Variants in MAST2 observed in about 807,000 individuals in gnomAD.
MAST2 encodes microtubule associated serine/threonine kinase 2.
Under a neutral mutation model 147.4 loss-of-function variants are expected in MAST2, and 70 were observed. The observed-to-expected ratio is 0.47, with a 90% CI of 0.39 to 0.58. MAST2 has a LOEUF of 0.58. Ranked by LOEUF, MAST2 falls within the 20% of genes least tolerant of loss-of-function variation. The pLI is 0.00. For synonymous variants in MAST2, 869 were observed against 896.8 expected (o/e 0.97, Z 0.55); for missense variants, 2,080 against 2,302.3 (o/e 0.90, Z 1.98).
intron 3 of MAST2, among the ~76,000 whole-genome samples, chr1:45,878,203 C>CA (rs34794896): frequency 0.016 from 1,824 of 114,704 alleles, 26 homozygotes; most frequent in African/African-American, 0.046. Flanking sequence ...GGCTCTATCT[C>CA]AAAAAAAAAA....
chr1:45,811,566 C>G (rs1424195205), intron 1 of MAST2, among the ~76,000 whole-genome samples: 3 of 149,150 alleles, frequency 2.0e-5, no homozygotes, highest in Non-Finnish European at 3.0e-5. Flanking sequence ...GTCTCGATCT[C>G]CTGACCTCGT....
At chr1:46,006,146 A>G (rs1410333852) in intron 7 of MAST2, 95 bp from the exon 8 acceptor site, 2 of 1,251,284 alleles carry the variant, frequency 1.6e-6, no homozygotes, top group Non-Finnish European at 2.2e-6. Context: ...GTTTATAGTG[A>G]CTGGGAAGTT....
At chr1:45,937,075 T>C (rs1570808737) in intron 4 of MAST2, among the ~76,000 whole-genome samples, 1 of 150,446 alleles carries the variant, frequency 6.6e-6, no homozygotes, top group East Asian at 2.0e-4. Context: ...ACTTTTGTTT[T>C]TATTTATTCT....
rs1262812756 is a variant in MAST2 at position 45,975,505 on chromosome 1, A to C, written c.592+16028A>C. Among the ~76,000 whole-genome samples, 56 of 148,530 alleles carry C rather than the reference A, an allele frequency of 3.8e-4. 1 individual carries two copies. Among genetic ancestry groups the C allele is most frequent in the Non-Finnish European group, 6.4e-4 (43 of 66,858 alleles). On this transcript the variant is annotated intron_variant, in intron 5 of 28. Coordinates refer to ENST00000361297, the MANE Select transcript of MAST2 (RefSeq NM_015112.3). ...GAGTCCCTGTCTCTCCAAAAAAAAA[A>C]AAAAAAAAAAAAAAAAGCCAGGTGT... is the stretch of plus-strand genomic sequence containing the variant.
intron 4 of MAST2, among the ~76,000 whole-genome samples, chr1:45,896,851 C>G (rs1249834492): frequency 1.3e-5 from 2 of 152,206 alleles, no homozygotes; most frequent in Non-Finnish European, 2.9e-5. Flanking sequence ...TCCAGTACAT[C>G]ATATTGTATG....
intron 20 of MAST2, 22 bp from the exon 21 acceptor site, chr1:46,030,107 G>A (rs1646582899): frequency 2.5e-6 from 4 of 1,612,678 alleles, no homozygotes; most frequent in Non-Finnish European, 3.4e-6. Flanking sequence ...CTGAAGGAAA[G>A]TGTCCTTTAT....
intron 7 of MAST2, 90 bp from the exon 8 acceptor site, chr1:46,006,151 G>A: frequency 7.6e-7 from 1 of 1,311,012 alleles, no homozygotes; most frequent in East Asian, 2.4e-5. Context: ...TAGTGACTGG[G>A]AAGTTCCCTG....
At chr1:45,931,660 T>C (rs1309821794) in intron 4 of MAST2, among the ~76,000 whole-genome samples, 1 of 151,984 alleles carries the variant, frequency 6.6e-6, no homozygotes, top group Non-Finnish European at 1.5e-5. Flanking sequence ...TGGCTAATTT[T>C]TGTGTTTTTT....
rs370950575 is a variant in MAST2 at position 45,839,129 on chromosome 1, AT to A, written c.468+9565del. ...GCTGGGACTACAGGCACCATCACAA[AT>A]TTTTTTTTTTTTTTTTGAGACGGAG... On this transcript the variant is annotated intron_variant, in intron 3 of 28. Transcript: ENST00000361297. 2.8e-3 allele frequency among the ~76,000 whole-genome samples: 355 copies of A among 127,548 alleles called. 3 individuals carry two copies. Among genetic ancestry groups the A allele is most frequent in the African/African-American group, 5.4e-3 (173 of 32,080 alleles). 83.7% of individuals were successfully genotyped at this position (127,548 alleles called of 152,430 possible).
At chr1:46,001,895 C>G (rs1645289460) in intron 6 of MAST2, among the ~76,000 whole-genome samples, 1 of 152,154 alleles carries the variant, frequency 6.6e-6, no homozygotes, top group African/African-American at 2.4e-5. Flanking sequence ...TATAAAGATC[C>G]TCCATTGCTG....
intron 4 of MAST2, among the ~76,000 whole-genome samples, chr1:45,915,105 A>G (rs1210629761): frequency 6.6e-6 from 1 of 151,924 alleles, no homozygotes; most frequent in Non-Finnish European, 1.5e-5. Flanking sequence ...TAATTTTTTA[A>G]TTTTTTTGTA....
intron 3 of MAST2, among the ~76,000 whole-genome samples, chr1:45,853,685 A>G (rs1645696176): frequency 2.6e-5 from 4 of 151,838 alleles, no homozygotes. Flanking sequence ...TAAAAGAAAA[A>G]TTTTTTATAC....
intron 1 of MAST2, among the ~76,000 whole-genome samples, chr1:45,818,776 G>A (rs2148674945): frequency 6.6e-6 from 1 of 152,256 alleles, no homozygotes; most frequent in Non-Finnish European, 1.5e-5. Context: ...CATTGTTGAT[G>A]TTGTGAGTTG....
chr1:45,941,855 C>T (rs1657344316), intron 4 of MAST2, among the ~76,000 whole-genome samples: 2 of 151,998 alleles, frequency 1.3e-5, no homozygotes, highest in Admixed American at 1.3e-4. Flanking sequence ...AGTTTTTGTC[C>T]TTTATTCTTG....
chr1:45,809,855 C>T (rs1205239853), intron 1 of MAST2, among the ~76,000 whole-genome samples: 2 of 152,166 alleles, frequency 1.3e-5, no homozygotes, highest in African/African-American at 2.4e-5. Flanking sequence ...CTGGAAAGCA[C>T]ATAATAAGTA....
chr1:45,950,128 A>G (rs569121411), intron 4 of MAST2, among the ~76,000 whole-genome samples: 1 of 152,170 alleles, frequency 6.6e-6, no homozygotes, highest in Non-Finnish European at 1.5e-5. Flanking sequence ...GCTAGGCTTA[A>G]TATCTGGGTG....
chr1:45,962,897 G>T (rs1660640640), intron 5 of MAST2, among the ~76,000 whole-genome samples: 1 of 152,174 alleles, frequency 6.6e-6, no homozygotes, highest in African/African-American at 2.4e-5. Context: ...ATGGTTTTAG[G>T]TCTAACATTT....
intron 3 of MAST2, chr1:45,847,571 T>TC (rs1645480651): frequency 3.7e-6 from 3 of 801,306 alleles, no homozygotes; most frequent in East Asian, 7.3e-5. Context: ...TGACTTTTTT[T>TC]CCCATCCTGC....
At chr1:45,874,799 C>A (rs2148211646) in intron 3 of MAST2, among the ~76,000 whole-genome samples, 1 of 152,028 alleles carries the variant, frequency 6.6e-6, no homozygotes, top group Middle Eastern at 3.4e-3. Flanking sequence ...ATTATAGTAA[C>A]CAGTGAAGTA....
Sources: allele counts gnomAD v4.1 joint callset (sites outside exome capture counted in the v4.1 genomes callset), GRCh38; gene constraint gnomAD v4.1.1; transcripts MANE v1.5; gene names NCBI Gene and HGNC (gene_info 2026-07-23, HGNC 2026-07-21).